Variants in PKNOX1 observed in about 807,000 individuals in gnomAD.
PKNOX1 encodes PBX/knotted 1 homeobox 1.
Under a neutral mutation model 51.9 loss-of-function variants are expected in PKNOX1, and 15 were observed. The ratio of observed to expected loss-of-function variants is 0.29; its 90% CI spans 0.19 to 0.45. The LOEUF is 0.45. Ranked by LOEUF, PKNOX1 falls within the 20% of genes least tolerant of loss-of-function variation. The pLI is 1.00. For missense variants in PKNOX1, 462 were observed against 547.5 expected, an observed-to-expected ratio of 0.84 and a Z score of 1.56; for synonymous variants, 219 against 211.1, an observed-to-expected ratio of 1.04 and a Z score of -0.32.
chr21:43,001,421 A>G (rs1978746371), intron 1 of PKNOX1, among the ~76,000 whole-genome samples: 1 of 151,778 alleles, frequency 6.6e-6, no homozygotes, highest in African/African-American at 2.4e-5. Context: ...CTTCCTTGGC[A>G]CTCAGCCTCC....
intron 1 of PKNOX1, among the ~76,000 whole-genome samples, chr21:43,002,861 C>T (rs912844055): frequency 1.3e-5 from 2 of 152,116 alleles, no homozygotes; most frequent in East Asian, 1.9e-4. Context: ...GGACTATAGG[C>T]GCATGCCACC....
Position 43,013,205 on chromosome 21 carries a change from G to A in PKNOX1, c.489G>A (p.Glu163=). 6.2e-7 allele frequency: 1 copy of A among 1,613,622 alleles called. No homozygotes were observed. The highest frequency in any genetic ancestry group is 8.5e-7 in the Non-Finnish European group (1 of 1,179,752). Residue 163 remains glutamate, a synonymous_variant, in exon 5 of 11, where the codon GAG becomes GAA. Coordinates refer to ENST00000291547, the MANE Select transcript of PKNOX1 (RefSeq NM_004571.5). ...KMNSETLLSG[E]PGSPYSPVQS... Reference sequence around the variant, plus strand: ...ACAGTGAAACTCTGTTGAGTGGAGAGCCTGGAAGCCCGTACTCACCAGTGC... The same window carrying A: ...ACAGTGAAACTCTGTTGAGTGGAGAACCTGGAAGCCCGTACTCACCAGTGC...
intron 1 of PKNOX1, among the ~76,000 whole-genome samples, chr21:42,990,872 C>A (rs1048236037): frequency 6.6e-6 from 1 of 152,076 alleles, no homozygotes; most frequent in African/African-American, 2.4e-5. Flanking sequence ...CTCTCTGTAT[C>A]CTTCTTTGGA....
intron 1 of PKNOX1, 53 bp from the exon 2 acceptor site, chr21:43,004,273 A>G: frequency 9.2e-6 from 7 of 756,934 alleles, no homozygotes; most frequent in Middle Eastern, 2.4e-4. Context: ...AATGAGGGAG[A>G]CAAAAAATGC....
chr21:43,029,826 G>C (rs1018032641), intron 10 of PKNOX1, 64 bp from the exon 11 acceptor site: 72 of 1,363,374 alleles, frequency 5.3e-5, no homozygotes, highest in Non-Finnish European at 7.5e-5. Context: ...GCACCCAATT[G>C]AGTAATAAAG....
Position 43,021,544 on chromosome 21 carries a change from CT to C in PKNOX1, c.849+116del. 8.1e-7 allele frequency: 1 copy of C among 1,233,730 alleles called. No individual in the cohort carries two copies. The highest frequency in any genetic ancestry group is 1.1e-6 in the Non-Finnish European group (1 of 897,904). 76.4% of individuals were successfully genotyped at this position (1,233,730 alleles called of 1,614,324 possible). ...TGGGCTCAGAAAATCAAAGGCCTGA[CT>C]TTCAGGACTTTGTGGCATGTCCATA... On this transcript the variant is annotated intron_variant, in intron 8 of 10. Coordinates refer to ENST00000291547, the MANE Select transcript of PKNOX1 (RefSeq NM_004571.5). This position sits in a 1 kb window ranked among gnomAD's most constrained non-coding sequence, Gnocchi z 4.6.
intron 1 of PKNOX1, among the ~76,000 whole-genome samples, chr21:42,983,786 AAGG>A (rs1391414771): frequency 6.6e-6 from 1 of 152,192 alleles, no homozygotes; most frequent in Non-Finnish European, 1.5e-5. Flanking sequence ...AGGACTCAAT[AAGG>A]AGAGAGTATC....
At position 43,007,568 on chromosome 21, in the gene PKNOX1, C is replaced by T. The variant is rs745657152; in HGVS notation, c.129C>T (p.Pro43=). 6.2e-7 allele frequency: 1 copy of T among 1,614,130 alleles called. No individual in the cohort carries two copies. Reference sequence around the variant, plus strand: ...CCGATGCAGAAGGAGTGAGCCCTCCCCCTGTGGAGTCTCAGACCCCGATGG... The same window carrying T: ...CCGATGCAGAAGGAGTGAGCCCTCCTCCTGTGGAGTCTCAGACCCCGATGG... ...SEPDAEGVSP[P]PVESQTPMDV... is the part of the protein sequence containing the mutation. Residue 43 remains proline (P), a synonymous_variant, in exon 3 of 11, where the codon CCC becomes CCT. Transcript: ENST00000291547.
chr21:42,990,531 T>C (rs2059081556), intron 1 of PKNOX1, among the ~76,000 whole-genome samples: 2 of 152,288 alleles, frequency 1.3e-5, no homozygotes, highest in Admixed American at 6.5e-5. Context: ...GGCAGTGTTA[T>C]AAGTTGGATT....
At chr21:43,018,757 C>G (rs909411784) in intron 7 of PKNOX1, among the ~76,000 whole-genome samples, 6 of 151,990 alleles carry the variant, frequency 3.9e-5, no homozygotes, top group African/African-American at 7.3e-5. Context: ...GGCTGCTGAG[C>G]CTTGCCCGTC....
At chr21:42,978,925 G>C (rs1197678308) in intron 1 of PKNOX1, among the ~76,000 whole-genome samples, 1 of 152,112 alleles carries the variant, frequency 6.6e-6, no homozygotes, top group African/African-American at 2.4e-5. Flanking sequence ...TGAGAGACAG[G>C]GTCTCATTCT....
At chr21:43,014,115 G>A (rs1475273719) in intron 5 of PKNOX1, among the ~76,000 whole-genome samples, 2 of 146,760 alleles carry the variant, frequency 1.4e-5, no homozygotes. Flanking sequence ...TCCGCCTCCT[G>A]GGTTCATGCC....
At chr21:42,984,690 T>TTGG (rs776754853) in intron 1 of PKNOX1, among the ~76,000 whole-genome samples, 26 of 152,222 alleles carry the variant, frequency 1.7e-4, no homozygotes, top group Non-Finnish European at 3.1e-4. Flanking sequence ...GCCCGGCCAG[T>TTGG]TCCAGTTTTT....
chr21:43,032,052 G>A lies in PKNOX1; in HGVS notation c.*1951G>A. ...AATTTTGTATTTTTAGTAGAGATGGGTTTCTCCATGTTGGTCGGGCTGGTC... is the reference window on the plus strand; with the variant it reads ...AATTTTGTATTTTTAGTAGAGATGGATTTCTCCATGTTGGTCGGGCTGGTC... On this transcript the variant is annotated 3_prime_UTR_variant, in exon 11 of 11. Coordinates refer to ENST00000291547, the MANE Select transcript of PKNOX1 (RefSeq NM_004571.5). 2.5e-6 allele frequency: 1 copy of A among 404,578 alleles called. No homozygotes were observed. The highest frequency in any genetic ancestry group is 5.0e-6 in the Non-Finnish European group (1 of 201,016). The allele number at this position is 404,578 out of a possible 1,614,324, so 25.1% of individuals were successfully genotyped here. A position where few individuals can be genotyped will look rare whatever the true frequency, so the allele number is the denominator to read the frequency against.
intron 9 of PKNOX1, among the ~76,000 whole-genome samples, chr21:43,025,900 T>C (rs1979966993): frequency 6.6e-6 from 1 of 152,226 alleles, no homozygotes; most frequent in Non-Finnish European, 1.5e-5. Flanking sequence ...TGATCCTGCA[T>C]TCTTGCCATT....
chr21:42,993,534 T>TTC (rs1978335051), intron 1 of PKNOX1, among the ~76,000 whole-genome samples: 1 of 152,022 alleles, frequency 6.6e-6, no homozygotes, highest in Non-Finnish European at 1.5e-5. Context: ...TTTTTTTTTT[T>TTC]TCACAATTCT....
chr21:42,983,097 A>C (rs1272650974), intron 1 of PKNOX1, among the ~76,000 whole-genome samples: 5 of 94,186 alleles, frequency 5.3e-5, no homozygotes, highest in Non-Finnish European at 8.8e-5. Flanking sequence ...GGCATGAACC[A>C]CTGTGGCTGG....
In PKNOX1 at chr21:43,013,311, G is replaced by A; in HGVS notation, c.522+73G>A. 1.2e-5 allele frequency: 14 copies of A among 1,127,520 alleles called. 1 individual carries two copies. The South Asian group carries it at 2.5e-4, about 20-fold the overall frequency. 69.8% of individuals were successfully genotyped at this position (1,127,520 alleles called of 1,614,324 possible). ...TCTGCATTGAGTCATGAGACCACCA[G>A]CTCTTTCAGAATTCACTGGGTCATC... is the stretch of plus-strand genomic sequence containing the variant. On this transcript the variant is annotated intron_variant, in intron 5 of 10. Coordinates refer to ENST00000291547, the MANE Select transcript of PKNOX1 (RefSeq NM_004571.5).
chr21:43,032,245 T>G lies in PKNOX1; in HGVS notation c.*2144T>G. 2.3e-6 allele frequency: 1 copy of G among 440,566 alleles called. No individual in the cohort carries two copies. Among genetic ancestry groups the G allele is most frequent in the South Asian group, 1.6e-5 (1 of 63,972 alleles). The allele number at this position is 440,566 out of a possible 1,614,324, so 27.3% of individuals were successfully genotyped here. ...TAAGTCAAGTCTATAAGATCATTTT[T>G]AACCTAAGTTCCAACTTTGTTGGAC... On this transcript the variant is annotated 3_prime_UTR_variant, in exon 11 of 11. Transcript: ENST00000291547.
Sources: gnomAD v4.1 joint callset for allele counts (sites outside exome capture counted in the v4.1 genomes callset) on GRCh38, gnomAD v4.1.1 for gene constraint, Gnocchi (gnomAD v3.1) non-coding constraint, MANE v1.5 for transcripts, NCBI Gene and HGNC (gene_info 2026-07-23, HGNC 2026-07-21) for gene names.